Variants in MYO5A observed in about 807,000 individuals in gnomAD.
The protein encoded by MYO5A is myosin VA, also known as unconventional myosin-Va.
Under a neutral mutation model 249.7 loss-of-function variants are expected in MYO5A, and 98 were observed. That is an observed-to-expected ratio of 0.39 (90% CI 0.33 to 0.46). The LOEUF (loss-of-function observed/expected upper bound fraction) is 0.46, where lower values mean the gene tolerates loss of function less well. MYO5A is among the 20% of genes least tolerant of loss of function. The pLI is 0.98. For synonymous variants in MYO5A, 778 were observed against 810.6 expected (o/e 0.96, Z 0.68); for missense variants, 1,696 against 2,308.8 (o/e 0.73, Z 5.44).
At chr15:52,435,653 C>T (rs1388848561) in intron 1 of MYO5A, 1 of 455,494 alleles carries the variant, frequency 2.2e-6, no homozygotes, top group Non-Finnish European at 4.4e-6. Flanking sequence ...CCATAGTTTC[C>T]AAACTACTAG....
intron 1 of MYO5A, among the ~76,000 whole-genome samples, chr15:52,484,729 C>T (rs958539142): frequency 6.6e-6 from 1 of 152,196 alleles, no homozygotes; most frequent in African/African-American, 2.4e-5. Flanking sequence ...ACTGCAACCT[C>T]TACCTCCCAG....
intron 10 of MYO5A, among the ~76,000 whole-genome samples, chr15:52,396,960 A>C (rs1436822909): frequency 6.6e-6 from 1 of 152,248 alleles, no homozygotes; most frequent in East Asian, 1.9e-4. Flanking sequence ...TCTGAAAACC[A>C]ATTAAGTCTA....
chr15:52,411,537 CAA>C (rs201405373), intron 5 of MYO5A, among the ~76,000 whole-genome samples: 15 of 122,224 alleles, frequency 1.2e-4, no homozygotes, highest in South Asian at 2.5e-4. Context: ...TAAGGCAAAG[CAA>C]AAAAAAAAAA....
intron 1 of MYO5A, among the ~76,000 whole-genome samples, chr15:52,525,364 T>C (rs924610960): frequency 7.2e-5 from 11 of 152,222 alleles, no homozygotes; most frequent in African/African-American, 2.7e-4. Flanking sequence ...TCCAGACAAG[T>C]ATCCCAAGAA....
intron 31 of MYO5A, 85 bp from the exon 32 acceptor site, chr15:52,340,479 A>G: frequency 8.5e-7 from 1 of 1,180,454 alleles, no homozygotes; most frequent in Non-Finnish European, 1.2e-6. Context: ...TTCACTTGCA[A>G]GAGTAGGAAA....
At chr15:52,364,992 A>G (rs951034255) in intron 23 of MYO5A, among the ~76,000 whole-genome samples, 2 of 152,214 alleles carry the variant, frequency 1.3e-5, no homozygotes, top group Non-Finnish European at 2.9e-5. Flanking sequence ...CTAGTCAGTC[A>G]CTGTCTAGTA....
intron 34 of MYO5A, among the ~76,000 whole-genome samples, chr15:52,333,295 C>T (rs1201329507): frequency 6.6e-6 from 1 of 152,254 alleles, no homozygotes; most frequent in East Asian, 1.9e-4. Flanking sequence ...TTGAGGGAAC[C>T]TTTCTGTCTT....
chr15:52,522,944 T>A (rs766073456), intron 1 of MYO5A, among the ~76,000 whole-genome samples: 3 of 151,630 alleles, frequency 2.0e-5, no homozygotes, highest in Non-Finnish European at 4.4e-5. Flanking sequence ...TTCTGGACAA[T>A]ACACAAAACT....
Position 52,323,459 on chromosome 15 carries a change from A to G in MYO5A, c.4711-15T>C, listed in dbSNP as rs1423479510. The G allele has an allele frequency of 6.2e-7, 1 of 1,600,344 alleles. No homozygotes were observed. The highest frequency in any genetic ancestry group is 8.6e-7 in the Non-Finnish European group (1 of 1,167,896). On this transcript the variant is annotated splice_polypyrimidine_tract_variant and intron_variant, in intron 36 of 41. Transcript: ENST00000399233. Reference sequence around the variant, plus strand: ...TCACCTCTTTTCTGAAAGAGAGAATAAGTCTAAACTTGCCTTTTCCTTAGG... The same window carrying G: ...TCACCTCTTTTCTGAAAGAGAGAATGAGTCTAAACTTGCCTTTTCCTTAGG...
In MYO5A at chr15:52,392,462, G is replaced by A. The variant is rs138247794; in HGVS notation, c.1402-392C>T. On this transcript the variant is annotated intron_variant, in intron 11 of 41. Coordinates refer to ENST00000399233, the MANE Select transcript of MYO5A (RefSeq NM_001382347.1). ...CTATGTTGATGCCCTCCAGGCTACT[G>A]AATCATGCTGGGCAATGCTTTCAGC... Among the ~76,000 whole-genome samples, 934 of 152,336 alleles carry A rather than the reference G, an allele frequency of 6.1e-3. 10 individuals carry two copies. The highest frequency in any genetic ancestry group is 0.021 in the African/African-American group (893 of 41,566).
At chr15:52,405,882 G>A (rs2042983107) in intron 8 of MYO5A, among the ~76,000 whole-genome samples, 1 of 152,280 alleles carries the variant, frequency 6.6e-6, no homozygotes, top group Non-Finnish European at 1.5e-5. Flanking sequence ...TCCAGATACA[G>A]CCCAATAAAG....
At chr15:52,427,226 T>C (rs2075415280) in intron 3 of MYO5A, among the ~76,000 whole-genome samples, 1 of 152,212 alleles carries the variant, frequency 6.6e-6, no homozygotes, top group Non-Finnish European at 1.5e-5. Flanking sequence ...TAAATGTTTA[T>C]TCAGCTCCAA....
intron 1 of MYO5A, among the ~76,000 whole-genome samples, chr15:52,481,712 G>A (rs1037554513): frequency 6.6e-6 from 1 of 152,170 alleles, no homozygotes; most frequent in African/African-American, 2.4e-5. Flanking sequence ...TAAAGATGTG[G>A]AACAGGATAA....
chr15:52,476,980 A>C (rs1255627851), intron 1 of MYO5A, among the ~76,000 whole-genome samples: 3 of 152,172 alleles, frequency 2.0e-5, no homozygotes. Flanking sequence ...TAATAACCTG[A>C]AGAGTGTTTT....
chr15:52,353,817 C>T, intron 26 of MYO5A, 54 bp downstream of exon 26: 1 of 1,610,224 alleles, frequency 6.2e-7, no homozygotes, highest in Non-Finnish European at 8.5e-7. Flanking sequence ...GAAGAGACTG[C>T]TGAAATGGAC....
chr15:52,445,406 A>C (rs753918737), intron 1 of MYO5A, among the ~76,000 whole-genome samples: 10 of 152,166 alleles, frequency 6.6e-5, no homozygotes, highest in Non-Finnish European at 1.5e-4. Flanking sequence ...AAGCCAATTA[A>C]ACCCCTTTTC....
intron 1 of MYO5A, among the ~76,000 whole-genome samples, chr15:52,493,687 C>A (rs938975847): frequency 4.0e-5 from 6 of 151,808 alleles, no homozygotes; most frequent in African/African-American, 1.2e-4. Context: ...AAAATGTATT[C>A]TTTAGCACTG....
At chr15:52,488,975 T>C (rs1184548831) in intron 1 of MYO5A, among the ~76,000 whole-genome samples, 3 of 152,226 alleles carry the variant, frequency 2.0e-5, no homozygotes, top group Admixed American at 6.5e-5. Flanking sequence ...CAGCAAGCAG[T>C]TGTCAATAGC....
Position 52,441,158 on chromosome 15 carries a change from T to G in MYO5A, c.28-7873A>C, listed in dbSNP as rs144642680. ...AGAGCATGTTTTTGGTATAAAAAATTCAGGAACTACTATTCTAAAAGCACA... is the reference window on the plus strand; with the variant it reads ...AGAGCATGTTTTTGGTATAAAAAATGCAGGAACTACTATTCTAAAAGCACA... On this transcript the variant is annotated intron_variant, in intron 1 of 41. Transcript: ENST00000399233. Among the ~76,000 whole-genome samples the G allele has an allele frequency of 5.6e-4, 86 of 152,214 alleles. 1 individual carries two copies. Among genetic ancestry groups the G allele is most frequent in the African/African-American group, 2.0e-3 (84 of 41,534 alleles).
Sources: allele counts gnomAD v4.1 joint callset (sites outside exome capture counted in the v4.1 genomes callset), GRCh38; gene constraint gnomAD v4.1.1; transcripts MANE v1.5; gene names NCBI Gene and HGNC (gene_info 2026-07-23, HGNC 2026-07-21).